Variants in PITPNM2 observed in about 807,000 individuals in gnomAD.
PITPNM2 encodes membrane-associated phosphatidylinositol transfer protein 2.
PITPNM2 carries 35 observed loss-of-function variants against 132.2 expected under a neutral mutation model. That is an observed-to-expected ratio of 0.26 (90% confidence interval 0.20 to 0.35). The LOEUF (loss-of-function observed/expected upper bound fraction) is 0.35, where lower values mean the gene tolerates loss of function less well. Among genes scored for constraint, PITPNM2 ranks in the 10% least tolerant of loss-of-function variants. PITPNM2 has a pLI of 1.00. For synonymous variants in PITPNM2, 738 were observed against 799.2 expected, an observed-to-expected ratio of 0.92 and a Z score of 1.29; for missense variants, 1,332 against 1,912.0, an observed-to-expected ratio of 0.70 and a Z score of 5.66.
intron 1 of PITPNM2, among the ~76,000 whole-genome samples, chr12:123,134,440 C>G (rs1056593250): frequency 6.6e-6 from 1 of 152,114 alleles, no homozygotes; most frequent in Non-Finnish European, 1.5e-5. Flanking sequence ...CTGCAAGAGT[C>G]TGCGGCGGTG....
Position 123,083,879 on chromosome 12 carries a change from GC to G in PITPNM2, c.-96+26505del, listed in dbSNP as rs2042036792. The G allele has an allele frequency of 6.6e-6, 1 of 152,282 alleles. No homozygotes were observed. Among genetic ancestry groups the G allele is most frequent in the Non-Finnish European group, 1.5e-5 (1 of 68,080 alleles). The allele number at this position is 152,282 out of a possible 1,614,324, so 9.4% of individuals were successfully genotyped here. A position where few individuals can be genotyped will look rare whatever the true frequency, so the allele number is the denominator to read the frequency against. On this transcript the variant is annotated intron_variant, in intron 2 of 25. Transcript: ENST00000320201. This position sits in a 1 kb window ranked among gnomAD's most constrained non-coding sequence, Gnocchi z 4.5. ...TCCTCGTCCTGCCAGGCTATTTATAGCCTCCCTCTCTCTGAAAACTCCTTCA... is the reference window on the plus strand; with the variant it reads ...TCCTCGTCCTGCCAGGCTATTTATAGCTCCCTCTCTCTGAAAACTCCTTCA...
At chr12:123,067,079 G>A (rs2041448915) in intron 2 of PITPNM2, among the ~76,000 whole-genome samples, 1 of 152,188 alleles carries the variant, frequency 6.6e-6, no homozygotes, top group Non-Finnish European at 1.5e-5. Context: ...GATATGATTA[G>A]TGAAGGATTT....
At chr12:123,133,572 T>C (rs1000150122) in intron 1 of PITPNM2, among the ~76,000 whole-genome samples, 4 of 152,144 alleles carry the variant, frequency 2.6e-5, no homozygotes, top group African/African-American at 7.2e-5. Flanking sequence ...TGTGGGATGA[T>C]AGTAGGTGGT....
At chr12:123,127,811 G>A (rs1490712154) in intron 1 of PITPNM2, among the ~76,000 whole-genome samples, 7 of 151,914 alleles carry the variant, frequency 4.6e-5, no homozygotes, top group East Asian at 3.9e-4. Flanking sequence ...GGGTTTCACC[G>A]CGTTAGCCAG....
rs555976198 is a variant in PITPNM2 at position 122,992,799 on chromosome 12, T to C, written c.2234-130A>G. On this transcript the variant is annotated intron_variant, in intron 15 of 25. Transcript: ENST00000320201. This position sits in a 1 kb window ranked among gnomAD's most constrained non-coding sequence, Gnocchi z 6.5. ...GGATAAGATGGGGGGTGTGTCTCTA[T>C]CAATTTGGGACCTGTTTGGGTCATT... is the stretch of plus-strand genomic sequence containing the variant. The C allele has an allele frequency of 1.5e-6, 1 of 661,446 alleles. No individual in the cohort carries two copies. The highest frequency in any genetic ancestry group is 1.9e-5 in the African/African-American group (1 of 53,612). 41.0% of individuals were successfully genotyped at this position (661,446 alleles called of 1,614,324 possible).
At position 123,025,918 on chromosome 12, in the gene PITPNM2, C is replaced by T. The variant is rs150820531; in HGVS notation, c.78+8595G>A. Among the ~76,000 whole-genome samples the T allele has an allele frequency of 2.6e-5, 4 of 152,278 alleles. No individual in the cohort carries two copies. The East Asian group carries it at 7.7e-4, about 29-fold the overall frequency. On this transcript the variant is annotated intron_variant, in intron 3 of 25. Transcript: ENST00000320201. ...TATTACCCCCAAGTCACAGATGAGA[C>T]GATCGAGGCTATGAGAGGCACAAAC...
At chr12:123,079,576 A>G (rs1340881532) in intron 2 of PITPNM2, among the ~76,000 whole-genome samples, 2 of 151,060 alleles carry the variant, frequency 1.3e-5, no homozygotes, top group Non-Finnish European at 3.0e-5. Context: ...TGAACTCCTG[A>G]CCTCAGGTGA....
intron 3 of PITPNM2, among the ~76,000 whole-genome samples, chr12:123,018,281 C>A (rs934447762): frequency 7.9e-6 from 1 of 126,794 alleles, no homozygotes; most frequent in African/African-American, 2.6e-5. Context: ...AATTTCTTTT[C>A]TTTTTTCTTT....
Position 123,150,814 on chromosome 12 carries a change from C to A in PITPNM2, c.-261G>T, listed in dbSNP as rs1303214929. On this transcript the variant is annotated 5_prime_UTR_variant, in exon 1 of 26. Transcript: ENST00000320201. This position sits in a 1 kb window ranked among gnomAD's most constrained non-coding sequence, Gnocchi z 6.0. The stretch of plus-strand genomic sequence containing the variant: ...GGCCCCGGCTGGGCCGCCGCCACCT[C>A]ACGCCGCCTCACGGGGAGCGCCCGC... Among the ~76,000 whole-genome samples the A allele has an allele frequency of 6.8e-6, 1 of 146,972 alleles. No homozygotes were observed. Among genetic ancestry groups the A allele is most frequent in the Admixed American group, 6.8e-5 (1 of 14,814 alleles).
intron 14 of PITPNM2, 84 bp from the exon 15 acceptor site, chr12:122,995,063 A>C: frequency 7.1e-7 from 1 of 1,399,576 alleles, no homozygotes; most frequent in Non-Finnish European, 9.5e-7. Context: ...GCAGGTCCCA[A>C]CCTCTCTCGG....
intron 1 of PITPNM2, among the ~76,000 whole-genome samples, chr12:123,146,040 C>T (rs1267667599): frequency 2.0e-5 from 3 of 152,026 alleles, no homozygotes; most frequent in Non-Finnish European, 2.9e-5. Context: ...TTATTCTTAG[C>T]AAACTAATGA....
At chr12:123,105,615 T>G (rs1314233914) in intron 2 of PITPNM2, 1 of 152,126 alleles carries the variant, frequency 6.6e-6, no homozygotes. Flanking sequence ...TGACGACACC[T>G]GGTTACCGGG....
chr12:123,139,205 A>G (rs2137638749), intron 1 of PITPNM2, among the ~76,000 whole-genome samples: 1 of 152,176 alleles, frequency 6.6e-6, no homozygotes, highest in Admixed American at 6.5e-5. Flanking sequence ...AGTTTTTAAA[A>G]ACAGACAATC....
chr12:123,100,627 A>C (rs75261265), intron 2 of PITPNM2, among the ~76,000 whole-genome samples: 7 of 137,728 alleles, frequency 5.1e-5, no homozygotes, highest in African/African-American at 1.8e-4. Context: ...CTCCGTCTCC[A>C]AAAAAAAAAA....
chr12:123,004,642 T>C lies in PITPNM2; in HGVS notation c.953-153A>G, dbSNP rs2038845776. ...CAGGAAGGTTCCGAAGAGAATGAAG[T>C]GTGTAAATGAGTGGGGAGCGGCCTA... On this transcript the variant is annotated intron_variant, in intron 7 of 25. Transcript: ENST00000320201. The surrounding 1 kb of genome is among the most constrained non-coding windows in gnomAD (Gnocchi z 4.9). The C allele has an allele frequency of 2.9e-6, 2 of 696,940 alleles. No individual in the cohort carries two copies. The highest frequency in any genetic ancestry group is 1.6e-5 in the South Asian group (1 of 61,374). The allele number at this position is 696,940 out of a possible 1,614,324, so 43.2% of individuals were successfully genotyped here. A position where few individuals can be genotyped will look rare whatever the true frequency, so the allele number is the denominator to read the frequency against.
rs775383833 is a variant in PITPNM2, at chr12:122,997,393, C to T, written c.1404G>A (p.Leu468=). ...GCACCAGGCGGATGGCAAGGCGGCC[C>T]AGGGCGCTGGGGTAGTGCACGCGCA... ...TVMRVHYPSA[L]GRLAIRLVPC... The change falls in exon 11 of 26, where the codon CTG becomes CTA. Residue 468 remains leucine (L), a synonymous_variant. Coordinates refer to ENST00000320201, the MANE Select transcript of PITPNM2 (RefSeq NM_020845.3). The T allele has an allele frequency of 1.2e-6, 2 of 1,613,496 alleles. No individual in the cohort carries two copies. Among genetic ancestry groups the T allele is most frequent in the South Asian group, 1.1e-5 (1 of 91,078 alleles).
In PITPNM2 at chr12:122,989,985, G is replaced by C. The variant is rs1945721467; in HGVS notation, c.2570-37C>G. ...GAGCAATGGATGGCTCAGCCACGCG[G>C]GGATGACCGCACTGCCACGTCTACC... On this transcript the variant is annotated intron_variant, in intron 17 of 25. Coordinates refer to ENST00000320201, the MANE Select transcript of PITPNM2 (RefSeq NM_020845.3). 8 of 1,297,190 alleles carry C rather than the reference G, an allele frequency of 6.2e-6. No homozygotes were observed. The South Asian group carries it at 2.1e-4, about 35-fold the overall frequency. The allele number at this position is 1,297,190 out of a possible 1,614,324, so 80.4% of individuals were successfully genotyped here.
chr12:123,014,104 G>T, intron 3 of PITPNM2, 62 bp from the exon 4 acceptor site: 1 of 1,572,926 alleles, frequency 6.4e-7, no homozygotes, highest in Non-Finnish European at 8.7e-7. Context: ...GAGGGAAGGG[G>T]CACAGGAGAC....
chr12:123,148,142 G>C (rs1441320479), intron 1 of PITPNM2, among the ~76,000 whole-genome samples: 1 of 152,182 alleles, frequency 6.6e-6, no homozygotes, highest in African/African-American at 2.4e-5. Context: ...ACCAGTAAAA[G>C]CTTAATAAAC....
Sources: allele counts gnomAD v4.1 joint callset (sites outside exome capture counted in the v4.1 genomes callset), GRCh38; gene constraint gnomAD v4.1.1; non-coding constraint Gnocchi (gnomAD v3.1); transcripts MANE v1.5; gene names NCBI Gene and HGNC (gene_info 2026-07-23, HGNC 2026-07-21).